Variants in SYN3 observed in about 807,000 individuals in gnomAD.
SYN3 encodes synapsin-3.
A neutral mutation model predicts 65.8 loss-of-function variants in SYN3; 35 were observed. The ratio of observed to expected loss-of-function variants is 0.53; its 90% CI spans 0.41 to 0.70. The LOEUF (loss-of-function observed/expected upper bound fraction) is 0.70, where lower values mean the gene tolerates loss of function less well. Among genes scored for constraint, SYN3 ranks in the 30% least tolerant of loss-of-function variants. The pLI, the probability that SYN3 is intolerant of heterozygous loss-of-function variation, is 0.00. For synonymous variants in SYN3, 270 were observed against 292.9 expected (o/e 0.92, Z 0.80); for missense variants, 680 against 749.0 (o/e 0.91, Z 1.08).
intron 1 of SYN3, among the ~76,000 whole-genome samples, chr22:33,030,143 T>C (rs1013801196): frequency 2.6e-5 from 4 of 152,128 alleles, no homozygotes; most frequent in South Asian, 4.1e-4. Context: ...TTGGAGGCAG[T>C]TGGAGGCAGC....
At chr22:32,674,536 A>G (rs762845822) in intron 6 of SYN3, among the ~76,000 whole-genome samples, 52 of 152,190 alleles carry the variant, frequency 3.4e-4, no homozygotes, top group Non-Finnish European at 6.5e-4. Flanking sequence ...TTGAATGGGA[A>G]AATGATGGTG....
At chr22:33,022,338 C>T (rs975883766) in intron 1 of SYN3, among the ~76,000 whole-genome samples, 7 of 152,154 alleles carry the variant, frequency 4.6e-5, no homozygotes, top group African/African-American at 7.2e-5. Flanking sequence ...CTGAGAACTC[C>T]GTAGACTGTG....
Position 33,006,761 on chromosome 22 carries a change from A to C in SYN3, c.-99T>G. The C allele has an allele frequency of 2.4e-6, 3 of 1,234,954 alleles. No individual in the cohort carries two copies. Among genetic ancestry groups the C allele is most frequent in the Non-Finnish European group, 3.4e-6 (3 of 890,952 alleles). 76.5% of individuals were successfully genotyped at this position (1,234,954 alleles called of 1,614,324 possible). A position where few individuals can be genotyped will look rare whatever the true frequency, so the allele number is the denominator to read the frequency against. ...CAGGTACAGGGAGTGGTAGGACTTT[A>C]GCCAGAAGAGCCAGGGGGATTTTGC... is the stretch of plus-strand genomic sequence containing the variant. On this transcript the variant is annotated 5_prime_UTR_variant, in exon 2 of 14. Coordinates refer to ENST00000358763, the MANE Select transcript of SYN3 (RefSeq NM_003490.4).
chr22:32,806,755 A>G (rs1447145932), intron 6 of SYN3, among the ~76,000 whole-genome samples: 1 of 152,026 alleles, frequency 6.6e-6, no homozygotes, highest in Non-Finnish European at 1.5e-5. Flanking sequence ...CTGTATATCT[A>G]TGATATATCC....
rs143189357 is a variant in SYN3, at chr22:32,953,614, C to G, written c.370-22133G>C. Among the ~76,000 whole-genome samples, 523 of 151,922 alleles carry G rather than the reference C, an allele frequency of 3.4e-3. 5 individuals are homozygous for G. The highest frequency in any genetic ancestry group is 0.012 in the African/African-American group (501 of 41,418). ...TATATATACAGAATTCAAGGAACAGCAAGAAAATTGGCGTGCCTGGAACAG... is the reference window on the plus strand; with the variant it reads ...TATATATACAGAATTCAAGGAACAGGAAGAAAATTGGCGTGCCTGGAACAG... On this transcript the variant is annotated intron_variant, in intron 3 of 13. Transcript: ENST00000358763.
intron 2 of SYN3, among the ~76,000 whole-genome samples, chr22:33,005,796 T>C (rs1399062234): frequency 6.6e-6 from 1 of 152,174 alleles, no homozygotes; most frequent in Non-Finnish European, 1.5e-5. Context: ...TTTATCCTCA[T>C]AACAAGCTCA....
intron 6 of SYN3, among the ~76,000 whole-genome samples, chr22:32,659,001 A>G (rs2060180472): frequency 6.6e-6 from 1 of 152,212 alleles, no homozygotes; most frequent in African/African-American, 2.4e-5. Context: ...AGATGCTAGC[A>G]TGAACTCCAT....
chr22:32,580,509 A>G (rs1439264953), intron 7 of SYN3, among the ~76,000 whole-genome samples: 1 of 152,138 alleles, frequency 6.6e-6, no homozygotes, highest in Non-Finnish European at 1.5e-5. Flanking sequence ...ACAGTTGTGT[A>G]TGTATAGGAA....
chr22:32,751,015 C>T (rs969784174), intron 6 of SYN3, among the ~76,000 whole-genome samples: 112 of 152,226 alleles, frequency 7.4e-4, no homozygotes, highest in African/African-American at 2.6e-3. Context: ...CAAACCATGA[C>T]ACCAGGTTAG....
intron 6 of SYN3, among the ~76,000 whole-genome samples, chr22:32,734,127 G>A (rs1237636682): frequency 6.6e-6 from 1 of 152,166 alleles, no homozygotes; most frequent in Admixed American, 6.5e-5. Context: ...GGGGTGGGTG[G>A]ACAGAGGCAA....
chr22:32,818,159 T>C (rs2047137865), intron 6 of SYN3, among the ~76,000 whole-genome samples: 1 of 152,242 alleles, frequency 6.6e-6, no homozygotes, highest in Non-Finnish European at 1.5e-5. Context: ...TGAAAATTAA[T>C]GGCACTGCCA....
intron 3 of SYN3, among the ~76,000 whole-genome samples, chr22:32,950,639 T>C (rs549874769): frequency 2.2e-4 from 34 of 152,262 alleles, no homozygotes; most frequent in African/African-American, 7.7e-4. Context: ...CTTGTGACTT[T>C]TGAGTAAGAA....
At chr22:32,659,409 C>A (rs2060186356) in intron 6 of SYN3, among the ~76,000 whole-genome samples, 1 of 152,170 alleles carries the variant, frequency 6.6e-6, no homozygotes, top group Non-Finnish European at 1.5e-5. Flanking sequence ...CCATCACCCA[C>A]TCTGGAGCTC....
intron 2 of SYN3, among the ~76,000 whole-genome samples, chr22:32,999,352 G>A (rs1028239915): frequency 6.6e-6 from 1 of 152,138 alleles, no homozygotes; most frequent in Non-Finnish European, 1.5e-5. Flanking sequence ...GCGGAAAGGT[G>A]TGTTTGAGAA....
chr22:32,654,364 T>C (rs1044570177), intron 6 of SYN3, among the ~76,000 whole-genome samples: 3 of 152,236 alleles, frequency 2.0e-5, no homozygotes, highest in African/African-American at 7.2e-5. Flanking sequence ...TCATACCTGA[T>C]TGTAAAACAT....
Position 32,980,784 on chromosome 22 carries a change from A to G in SYN3, c.312-82T>C. The G allele has an allele frequency of 3.2e-6, 4 of 1,252,776 alleles. No homozygotes were observed. In the South Asian group the frequency reaches 4.8e-5, roughly 15 times the overall value. 77.6% of individuals were successfully genotyped at this position (1,252,776 alleles called of 1,614,324 possible). ...CCTTCTCCCAAAGGCCTTACCCCAG[A>G]GGTGCATATTGAGACACATCCTCAG... On this transcript the variant is annotated intron_variant, in intron 2 of 13. Coordinates refer to ENST00000358763, the MANE Select transcript of SYN3 (RefSeq NM_003490.4).
Position 32,951,620 on chromosome 22 carries a change from C to G in SYN3, c.370-20139G>C, listed in dbSNP as rs543748626. On this transcript the variant is annotated intron_variant, in intron 3 of 13. Coordinates refer to ENST00000358763, the MANE Select transcript of SYN3 (RefSeq NM_003490.4). ...CATTTTGCAGATGTCAAAGATAAGA[C>G]TTAAGGAAGCACAGAGACTGTTCCC... 3.3e-5 allele frequency among the ~76,000 whole-genome samples: 5 copies of G among 152,296 alleles called. No individual in the cohort carries two copies. The South Asian group carries it at 1.0e-3, about 32-fold the overall frequency.
At chr22:32,795,779 G>C (rs1481387195) in intron 6 of SYN3, among the ~76,000 whole-genome samples, 1 of 152,190 alleles carries the variant, frequency 6.6e-6, no homozygotes, top group African/African-American at 2.4e-5. Context: ...GAATCCCAGA[G>C]AGAGTAGGGT....
At chr22:32,865,041 G>A in intron 5 of SYN3, 37 bp from the exon 6 acceptor site, 1 of 1,546,578 alleles carries the variant, frequency 6.5e-7, no homozygotes, top group Non-Finnish European at 8.9e-7. Flanking sequence ...ATCAACTATT[G>A]TCACCCAGTA....
Sources: allele counts gnomAD v4.1 joint callset (sites outside exome capture counted in the v4.1 genomes callset), GRCh38; gene constraint gnomAD v4.1.1; transcripts MANE v1.5; gene names NCBI Gene and HGNC (gene_info 2026-07-23, HGNC 2026-07-21).